RUVBL2: variants seen among roughly 807,000 people sequenced by gnomAD.
RUVBL2 encodes the protein ruvB-like 2.
Under a neutral mutation model 57.9 loss-of-function variants are expected in RUVBL2, and 9 were observed. The ratio of observed to expected loss-of-function variants is 0.16; its 90% CI spans 0.09 to 0.27. RUVBL2 has a LOEUF of 0.27. RUVBL2 is among the 10% of genes least tolerant of loss of function. RUVBL2 has a pLI of 1.00. For synonymous variants in RUVBL2, 278 were observed against 264.6 expected (o/e 1.05, Z -0.49); for missense variants, 456 against 669.6 (o/e 0.68, Z 3.52).
intron 11 of RUVBL2, among the ~76,000 whole-genome samples, chr19:49,013,933 C>T (rs114311402): frequency 1.9e-3 from 291 of 152,304 alleles, no homozygotes; most frequent in African/African-American, 6.6e-3. Flanking sequence ...CCAAAAAGAC[C>T]AGAAACACAC....
intron 4 of RUVBL2, 49 bp from the exon 5 acceptor site, chr19:49,006,969 G>C: frequency 6.3e-7 from 1 of 1,599,870 alleles, no homozygotes; most frequent in East Asian, 2.2e-5. Flanking sequence ...CAGGTGTCGG[G>C]GACCTGGTGC....
At chr19:48,996,455 A>G (rs1388786341) in intron 1 of RUVBL2, among the ~76,000 whole-genome samples, 1 of 150,086 alleles carries the variant, frequency 6.7e-6, no homozygotes, top group African/African-American at 2.5e-5. Flanking sequence ...CCTCCTGAGT[A>G]GCTGGGACTA....
In RUVBL2 at chr19:49,014,792, C is replaced by A. The variant is rs566125011; in HGVS notation, c.1121+189C>A. On this transcript the variant is annotated intron_variant, in intron 12 of 14. Coordinates refer to ENST00000595090, the MANE Select transcript of RUVBL2 (RefSeq NM_006666.3). ...CACGGTGGGAAAGGGAGGCGAGGTA[C>A]CCGTGACTGGTGTTGGGGCCAGCGC... is the stretch of plus-strand genomic sequence containing the variant. 5.3e-5 allele frequency among the ~76,000 whole-genome samples: 8 copies of A among 152,312 alleles called. No homozygotes were observed. The South Asian group carries it at 1.7e-3, about 32-fold the overall frequency.
chr19:49,003,343 G>C lies in RUVBL2; in HGVS notation c.123+9G>C. On this transcript the variant is annotated intron_variant, in intron 3 of 14. Coordinates refer to ENST00000595090, the MANE Select transcript of RUVBL2 (RefSeq NM_006666.3). ...CCTTGGAGCCTCGGCAGGTAGAGCA[G>C]AGGAGGCTGGGGTGTGAGGGCCTCT... is the stretch of plus-strand genomic sequence containing the variant. The C allele has an allele frequency of 6.2e-7, 1 of 1,613,792 alleles. No individual in the cohort carries two copies. Among genetic ancestry groups the C allele is most frequent in the Non-Finnish European group, 8.5e-7 (1 of 1,179,954 alleles).
intron 6 of RUVBL2, among the ~76,000 whole-genome samples, 191 bp from the exon 7 acceptor site, chr19:49,009,585 G>C (rs529864813): frequency 6.6e-6 from 1 of 152,316 alleles, no homozygotes; most frequent in East Asian, 1.9e-4. Flanking sequence ...ATGTTCAGCC[G>C]CGGAGCCATC....
chr19:49,007,987 G>A lies in RUVBL2; in HGVS notation c.462+619G>A, dbSNP rs1354068936. 7.5e-5 allele frequency among the ~76,000 whole-genome samples: 11 copies of A among 147,526 alleles called. No individual in the cohort carries two copies. In the East Asian group the frequency reaches 7.9e-4, roughly 11 times the overall value. ...CTCCCAAAGTGCTGGGATTACAGCC[G>A]TGAGCCACCATACCTGGCCTCTTTT... On this transcript the variant is annotated intron_variant, in intron 6 of 14. Coordinates refer to ENST00000595090, the MANE Select transcript of RUVBL2 (RefSeq NM_006666.3).
intron 2 of RUVBL2, 112 bp from the exon 3 acceptor site, chr19:49,003,162 TGCTCC>T: frequency 3.1e-6 from 2 of 642,362 alleles, no homozygotes; most frequent in Non-Finnish European, 2.9e-6. Context: ...CCCCAACCCC[TGCTCC>T]CTACTCCCAC....
At chr19:49,008,703 C>T (rs952535608) in intron 6 of RUVBL2, among the ~76,000 whole-genome samples, 1 of 151,764 alleles carries the variant, frequency 6.6e-6, no homozygotes, top group African/African-American at 2.4e-5. Flanking sequence ...AATGGCTGGG[C>T]GCGGTGGTTC....
chr19:48,993,730 C>G, upstream of RUVBL2: 2 of 732,108 alleles, frequency 2.7e-6, no homozygotes, highest in East Asian at 2.7e-5. Flanking sequence ...TCCGGACGCC[C>G]GTCTTCCAGC....
intron 2 of RUVBL2, among the ~76,000 whole-genome samples, chr19:48,999,840 A>G (rs1041849319): frequency 6.6e-6 from 1 of 152,122 alleles, no homozygotes; most frequent in Non-Finnish European, 1.5e-5. Context: ...TGAGGTGCAT[A>G]TTGTAACTGT....
At position 49,007,055 on chromosome 19, in the gene RUVBL2, A is replaced by C. The variant is rs2039295238; in HGVS notation, c.303A>C (p.Thr101=). The C allele has an allele frequency of 6.2e-7, 1 of 1,613,114 alleles. No individual in the cohort carries two copies. ...CCCTGGGCCCTGACACGCCATTCAC[A>C]GCCATCGCCGGCAGTGAAATCTTCT... The part of the protein sequence containing the change: ...AQALGPDTPF[T]AIAGSEIFSL... The change falls in exon 5 of 15, where the codon ACA becomes ACC. Residue 101 remains threonine (T), a synonymous_variant. Transcript: ENST00000595090.
chr19:49,003,486 G>T (rs1238095544), intron 3 of RUVBL2, 152 bp downstream of exon 3: 3 of 698,144 alleles, frequency 4.3e-6, no homozygotes. Context: ...GGTTTTCTTG[G>T]TACTAAAGAA....
chr19:49,007,998 T>C (rs1300118759), intron 6 of RUVBL2, among the ~76,000 whole-genome samples: 2 of 147,342 alleles, frequency 1.4e-5, no homozygotes, highest in Non-Finnish European at 3.0e-5. Context: ...TGAGCCACCA[T>C]ACCTGGCCTC....
chr19:49,015,258 G>T (rs990764761), intron 13 of RUVBL2, 108 bp downstream of exon 13: 15 of 1,457,036 alleles, frequency 1.0e-5, no homozygotes, highest in Non-Finnish European at 1.4e-5. Flanking sequence ...GTTTTCAGAC[G>T]CAGGGAATTT....
At chr19:49,010,658 G>A (rs1043210931) in intron 9 of RUVBL2, 47 bp downstream of exon 9, 6 of 1,608,172 alleles carry the variant, frequency 3.7e-6, no homozygotes, top group Non-Finnish European at 4.2e-6. Flanking sequence ...CCCAGGCCTA[G>A]CAGCCTCCCT....
rs371917395 is a variant in RUVBL2, at chr19:49,011,272, G to A, written c.963G>A (p.Ala321=). The A allele has an allele frequency of 3.1e-4, 501 of 1,613,892 alleles. 1 individual carries two copies. The highest frequency in any genetic ancestry group is 1.1e-3 in the African/African-American group (82 of 75,054). ...ACCGGGCCCTGGAGAGTGACATGGC[G>A]CCTGTCCTGATCATGGCCACCAACC... The part of the protein sequence containing the change: ...FLNRALESDM[A]PVLIMATNRG... Residue 321 remains alanine (A), a synonymous_variant, in exon 11 of 15, where the codon GCG becomes GCA. Transcript: ENST00000595090. This position sits in a 1 kb window ranked among gnomAD's most constrained non-coding sequence, Gnocchi z 4.4.
chr19:49,003,367 C>T (rs2122603148), intron 3 of RUVBL2, 33 bp downstream of exon 3: 3 of 1,607,656 alleles, frequency 1.9e-6, no homozygotes, highest in Non-Finnish European at 8.5e-7. Flanking sequence ...GTGAGGGCCT[C>T]TCCATGAAGG....
At chr19:49,012,532 C>T (rs1396161439) in intron 11 of RUVBL2, among the ~76,000 whole-genome samples, 2 of 152,186 alleles carry the variant, frequency 1.3e-5, no homozygotes, top group Non-Finnish European at 2.9e-5. Flanking sequence ...GCAGCAGCTA[C>T]GGGCAGCCCT....
In RUVBL2 at chr19:49,010,899, T is replaced by C. The variant is rs899005530; in HGVS notation, c.788-100T>C. The C allele has an allele frequency of 2.7e-6, 3 of 1,103,596 alleles. No homozygotes were observed. The African/African-American group carries it at 4.6e-5, about 17-fold the overall frequency. 68.4% of individuals were successfully genotyped at this position (1,103,596 alleles called of 1,614,324 possible). On this transcript the variant is annotated intron_variant, in intron 9 of 14. Coordinates refer to ENST00000595090, the MANE Select transcript of RUVBL2 (RefSeq NM_006666.3). ...TCATCCCTCCTTGCTTTGCTCCCCT[T>C]CCTCCATCCCTGGCATCATCCTTCT...
Sources: gnomAD v4.1 joint callset for allele counts (sites outside exome capture counted in the v4.1 genomes callset) on GRCh38, gnomAD v4.1.1 for gene constraint, Gnocchi (gnomAD v3.1) non-coding constraint, MANE v1.5 for transcripts, NCBI Gene and HGNC (gene_info 2026-07-23, HGNC 2026-07-21) for gene names.